Variants in HAUS6 observed in about 807,000 individuals in gnomAD.
HAUS6 encodes HAUS augmin-like complex subunit 6.
A neutral mutation model predicts 106.8 loss-of-function variants in HAUS6; 80 were observed. The observed-to-expected ratio is 0.75, with a 90% confidence interval of 0.63 to 0.90. HAUS6 has a LOEUF of 0.90. HAUS6 is among the 40% of genes least tolerant of loss of function. The probability of loss-of-function intolerance (pLI) is 0.00; values close to 1 mark genes in which losing one functional copy is unlikely to be tolerated. For missense variants in HAUS6, 1,155 were observed against 1,118.1 expected (o/e 1.03, Z -0.47); for synonymous variants, 356 against 379.1 (o/e 0.94, Z 0.71).
chr9:19,058,744 T>A lies in HAUS6; in HGVS notation c.2023A>T (p.Ile675Leu), dbSNP rs147144205. The change falls in exon 16 of 17, where the codon ATA becomes TTA. Residue 675 changes from isoleucine to leucine, a missense_variant. Ile to Leu is a conservative substitution (Grantham distance 5, BLOSUM62 2). This residue lies in a region of HAUS6 where 380 missense variants were observed against 394.8 expected (regional missense o/e 0.96). Transcript: ENST00000380502. ...TGATTTTGTGTTGGTGGTTCATCTA[T>A]GTGACTGGTCAGCACATGTTTCTGA... ...VPQKHVLTSH[I>L]DEPPTQNQSD... The A allele has an allele frequency of 6.2e-7, 1 of 1,614,200 alleles. No homozygotes were observed. Among genetic ancestry groups the A allele is most frequent in the Non-Finnish European group, 8.5e-7 (1 of 1,180,014 alleles).
chr9:19,067,774 C>T (rs755597633), intron 12 of HAUS6, among the ~76,000 whole-genome samples: 4 of 152,088 alleles, frequency 2.6e-5, no homozygotes, highest in South Asian at 4.1e-4. Context: ...CCGCAACCTC[C>T]GCCACCTGGG....
chr9:19,099,294 A>G (rs1316530062), intron 1 of HAUS6, among the ~76,000 whole-genome samples: 1 of 151,372 alleles, frequency 6.6e-6, no homozygotes, highest in East Asian at 2.0e-4. Flanking sequence ...AGCCTCCCGA[A>G]TAGCTGCGAC....
chr9:19,094,331 T>A lies in HAUS6; in HGVS notation c.289A>T (p.Ile97Leu), dbSNP rs750510194. Reference protein sequence around the residue: ...TEFRKHCCEWIKRISGECGSS... With the variant: ...TEFRKHCCEWLKRISGECGSS... ...AGAATACTTACAGAAATCCTTTTTATCCATTCACAGCAATGTTTTCGGAAT... is the reference window on the plus strand; with the variant it reads ...AGAATACTTACAGAAATCCTTTTTAACCATTCACAGCAATGTTTTCGGAAT... The change falls in exon 3 of 17, where the codon ATA becomes TTA. Residue 97 changes from isoleucine to leucine, a missense_variant. Physicochemically the swap from Ile to Leu is conservative, Grantham distance 5. Coordinates refer to ENST00000380502, the MANE Select transcript of HAUS6 (RefSeq NM_017645.5). 6.3e-7 allele frequency: 1 copy of A among 1,588,978 alleles called. No individual in the cohort carries two copies. Among genetic ancestry groups the A allele is most frequent in the South Asian group, 1.1e-5 (1 of 88,700 alleles).
rs1187481304 is a variant in HAUS6 at position 19,102,602 on chromosome 9, T to C, written c.50A>G (p.Tyr17Cys). 1 of 1,613,910 alleles carries C rather than the reference T, an allele frequency of 6.2e-7. No homozygotes were observed. Among genetic ancestry groups the C allele is most frequent in the Non-Finnish European group, 8.5e-7 (1 of 1,179,922 alleles). The change falls in exon 1 of 17, where the codon TAT becomes TGT. Residue 17 changes from tyrosine to cysteine, a missense_variant. Around this residue, in one of 3 missense-constraint regions of HAUS6, gnomAD observed 761 missense variants for 690.0 expected, o/e 1.10. Transcript: ENST00000380502. Reference protein sequence around the residue: ...TAFEKEHLWMYLQALGFEPGP... With the variant: ...TAFEKEHLWMCLQALGFEPGP... ...TGGCTCGAAGCCGAGCGCCTGCAGATACATCCAGAGATGCTCCTTCTCGAA... is the reference window on the plus strand; with the variant it reads ...TGGCTCGAAGCCGAGCGCCTGCAGACACATCCAGAGATGCTCCTTCTCGAA...
chr9:19,086,196 A>C (rs1325913214), intron 7 of HAUS6, among the ~76,000 whole-genome samples: 1 of 151,910 alleles, frequency 6.6e-6, no homozygotes, highest in Non-Finnish European at 1.5e-5. Flanking sequence ...CTGTAATCCC[A>C]CCTACTAGGG....
intron 7 of HAUS6, among the ~76,000 whole-genome samples, chr9:19,084,300 T>A (rs1408290533): frequency 6.6e-6 from 1 of 152,214 alleles, no homozygotes; most frequent in East Asian, 1.9e-4. Context: ...TATATGAAGT[T>A]CAAAAACAGG....
At position 19,063,587 on chromosome 9, in the gene HAUS6, G is replaced by A. The variant is rs769558652; in HGVS notation, c.1377-7C>T. 37 of 1,595,026 alleles carry A rather than the reference G, an allele frequency of 2.3e-5. No homozygotes were observed. The highest frequency in any genetic ancestry group is 3.2e-5 in the Non-Finnish European group (37 of 1,162,840). The stretch of plus-strand genomic sequence containing the variant: ...CGACAAGAAAGAGGCAGGGCTAAAA[G>A]GAAAAAAGACAACAAATCCAAGTTA... On this transcript the variant is annotated splice_polypyrimidine_tract_variant and splice_region_variant and intron_variant, in intron 12 of 16. Coordinates refer to ENST00000380502, the MANE Select transcript of HAUS6 (RefSeq NM_017645.5).
At position 19,070,288 on chromosome 9, in the gene HAUS6, T is replaced by C; in HGVS notation, c.1307A>G (p.Gln436Arg). 1 of 1,579,872 alleles carries C rather than the reference T, an allele frequency of 6.3e-7. No individual in the cohort carries two copies. Among genetic ancestry groups the C allele is most frequent in the Non-Finnish European group, 8.7e-7 (1 of 1,149,254 alleles). The change falls in exon 12 of 17, where the codon CAA (glutamine) becomes CGA (arginine). Residue 436 changes from glutamine (Q) to arginine (R), a missense_variant. This residue lies in a region of HAUS6 where 761 missense variants were observed against 690.0 expected (regional missense o/e 1.10). Transcript: ENST00000380502. ...YPASLPDAHK[Q>R]HNQENGCRGD... ...TCTGCAACCATTTTCTTGGTTATGT[T>C]GCTTATGTGCATCTAAAGAAATTTA...
In HAUS6 at chr9:19,096,749, T is replaced by G; in HGVS notation, c.149A>C (p.Asn50Thr). 1 of 1,550,970 alleles carries G rather than the reference T, an allele frequency of 6.4e-7. No individual in the cohort carries two copies. Among genetic ancestry groups the G allele is most frequent in the Non-Finnish European group, 8.8e-7 (1 of 1,141,732 alleles). The change falls in exon 2 of 17, where the codon AAC (asparagine) becomes ACC (threonine). Residue 50 changes from asparagine (N) to threonine (T), a missense_variant. Around this residue, in one of 3 missense-constraint regions of HAUS6, gnomAD observed 761 missense variants for 690.0 expected, o/e 1.10. Coordinates refer to ENST00000380502, the MANE Select transcript of HAUS6 (RefSeq NM_017645.5). ...HLGVNMFDKL[N>T]RDAFHIISYF... ...AGAAATTATATGAAAGGCATCACGGTTCAGCTTGTCAAACATGTTCCTAGT... is the reference window on the plus strand; with the variant it reads ...AGAAATTATATGAAAGGCATCACGGGTCAGCTTGTCAAACATGTTCCTAGT...
At chr9:19,056,541 T>C (rs1414947531) in intron 16 of HAUS6, 137 bp from the exon 17 acceptor site, 2 of 597,928 alleles carry the variant, frequency 3.3e-6, no homozygotes, top group African/African-American at 3.7e-5. Flanking sequence ...AAAATTATTA[T>C]TATTCTCACC....
intron 2 of HAUS6, among the ~76,000 whole-genome samples, chr9:19,095,978 GA>G (rs372071597): frequency 4.6e-5 from 7 of 152,160 alleles, no homozygotes; most frequent in African/African-American, 1.7e-4. Context: ...CTGCCTATAG[GA>G]AAAGTAGTAA....
chr9:19,097,979 G>T (rs1174681473), intron 1 of HAUS6, among the ~76,000 whole-genome samples: 4 of 152,134 alleles, frequency 2.6e-5, no homozygotes, highest in African/African-American at 9.7e-5. Context: ...TTTGTCCTTA[G>T]AACATCTCTA....
chr9:19,080,317 C>G (rs1837112581), intron 9 of HAUS6, among the ~76,000 whole-genome samples, 162 bp downstream of exon 9: 1 of 151,530 alleles, frequency 6.6e-6, no homozygotes, highest in Non-Finnish European at 1.5e-5. Context: ...CTTTTCCTTT[C>G]TGCTTCATGT....
At chr9:19,057,353 C>T (rs1444791138) in intron 16 of HAUS6, 1 of 152,244 alleles carries the variant, frequency 6.6e-6, no homozygotes, top group African/African-American at 2.4e-5. Context: ...CTGCCACAAG[C>T]CAAGGAATGC....
intron 2 of HAUS6, among the ~76,000 whole-genome samples, chr9:19,095,374 T>C (rs1472049924): frequency 2.0e-5 from 3 of 151,916 alleles, no homozygotes; most frequent in Admixed American, 1.3e-4. Flanking sequence ...TGAGCATGCA[T>C]AGGAAACAAA....
chr9:19,059,127 T>C (rs1461938570), intron 15 of HAUS6, 126 bp from the exon 16 acceptor site: 3 of 622,198 alleles, frequency 4.8e-6, no homozygotes, highest in Admixed American at 3.0e-5. Flanking sequence ...AATATACTGG[T>C]TGGATGATAA....
chr9:19,087,302 C>A (rs191277747), intron 5 of HAUS6, 146 bp from the exon 6 acceptor site: 8 of 615,848 alleles, frequency 1.3e-5, no homozygotes, highest in African/African-American at 1.3e-4. Context: ...CTCTCTTTAT[C>A]ACACAAGTGA....
chr9:19,066,462 C>G (rs1836761593), intron 12 of HAUS6, among the ~76,000 whole-genome samples: 1 of 152,076 alleles, frequency 6.6e-6, no homozygotes, highest in South Asian at 2.1e-4. Flanking sequence ...TTAGCTGGCA[C>G]GTATGCAAGA....
chr9:19,102,401 G>A (rs1398776662), intron 1 of HAUS6, 123 bp downstream of exon 1: 8 of 1,082,000 alleles, frequency 7.4e-6, no homozygotes, highest in Admixed American at 2.3e-5. Context: ...TGGAGCCAAT[G>A]CCTGGCACAG....
Sources: allele counts gnomAD v4.1 joint callset (sites outside exome capture counted in the v4.1 genomes callset), GRCh38; gene constraint gnomAD v4.1.1; regional missense constraint gnomAD v4.1.1; transcripts MANE v1.5; gene names NCBI Gene and HGNC (gene_info 2026-07-23, HGNC 2026-07-21).